ZMYM6: variants seen among roughly 807,000 people sequenced by gnomAD.
ZMYM6 encodes zinc finger MYM-type containing 6, also known as zinc finger MYM-type protein 6.
In ZMYM6, 90 loss-of-function variants were observed where a neutral mutation model predicts 134.0. The observed-to-expected ratio is 0.67, with a 90% CI of 0.57 to 0.80. The LOEUF (loss-of-function observed/expected upper bound fraction) is 0.80, where lower values mean the gene tolerates loss of function less well. Ranked by LOEUF, ZMYM6 falls within the 30% of genes least tolerant of loss-of-function variation. The pLI is 0.00. For synonymous variants in ZMYM6, 481 were observed against 524.1 expected, an observed-to-expected ratio of 0.92 and a Z score of 1.12; for missense variants, 1,362 against 1,533.9, an observed-to-expected ratio of 0.89 and a Z score of 1.87.
intron 14 of ZMYM6, among the ~76,000 whole-genome samples, chr1:34,994,492 A>AG (rs981390082): frequency 1.3e-5 from 2 of 152,192 alleles, no homozygotes; most frequent in Non-Finnish European, 2.9e-5. Context: ...AACAAGAACA[A>AG]GGCTGAAAGA....
At chr1:34,990,950 T>A (rs1366131219) in intron 15 of ZMYM6, among the ~76,000 whole-genome samples, 2 of 152,172 alleles carry the variant, frequency 1.3e-5, no homozygotes, top group African/African-American at 4.8e-5. Flanking sequence ...CCGCAACCTC[T>A]ACCTCCCAGG....
rs530061204 is a variant in ZMYM6, at chr1:35,008,959, A to T, written c.1493-35T>A. 34 of 1,590,316 alleles carry T rather than the reference A, an allele frequency of 2.1e-5. No individual in the cohort carries two copies. The Admixed American group carries it at 5.6e-4, about 26-fold the overall frequency. ...AGAGGGATGAAAGGAAGAAAAATCA[A>T]ATTTACATTAACTGAGGAGGTATAA... On this transcript the variant is annotated intron_variant, in intron 10 of 15. Coordinates refer to ENST00000357182, the MANE Select transcript of ZMYM6 (RefSeq NM_007167.4).
rs1640591990 is a variant in ZMYM6, at chr1:34,987,231, C to T, written c.3851G>A (p.Cys1284Tyr). ...AGTCAAAGCTGAAAAGGCAGCATCA[C>T]ATAAATAAACAGTTGAAAAGGGTAA... The part of the protein sequence containing the change: ...FLLPFSTVYL[C>Y]DAAFSALTES... The change falls in exon 16 of 16, where the codon TGT becomes TAT. Residue 1284 changes from cysteine to tyrosine, a missense_variant. Physicochemically the swap from Cys to Tyr is radical, Grantham distance 194 (BLOSUM62 -2). Transcript: ENST00000357182. The T allele has an allele frequency of 6.2e-7, 1 of 1,613,750 alleles. No individual in the cohort carries two copies. Among genetic ancestry groups the T allele is most frequent in the East Asian group, 2.2e-5 (1 of 44,876 alleles).
intron 14 of ZMYM6, among the ~76,000 whole-genome samples, chr1:34,994,916 GTATA>G (rs1640748051): frequency 7.6e-6 from 1 of 130,752 alleles, no homozygotes; most frequent in Non-Finnish European, 1.5e-5. Flanking sequence ...ATATATGTGT[GTATA>G]TATAGACATA....
intron 14 of ZMYM6, among the ~76,000 whole-genome samples, chr1:35,003,350 G>C (rs1411051544): frequency 6.6e-6 from 1 of 152,166 alleles, no homozygotes; most frequent in Non-Finnish European, 1.5e-5. Flanking sequence ...GGCCAGACTT[G>C]AAAGTATGCA....
rs541675320 is a variant in ZMYM6, at chr1:34,987,818, C to G, written c.3264G>C (p.Glu1088Asp). 13 of 1,550,844 alleles carry G rather than the reference C, an allele frequency of 8.4e-6. No individual in the cohort carries two copies. Among genetic ancestry groups the G allele is most frequent in the Non-Finnish European group, 1.0e-5 (12 of 1,146,792 alleles). ...MLKRLFELRH[E>D]IEIFLSQKHS... The stretch of plus-strand genomic sequence containing the variant: ...GCTTTTGACTTAAAAATATTTCAAT[C>G]TCATGTCGTAATTCAAATAATCTTT... Residue 1088 changes from glutamate (E) to aspartate (D), a missense_variant, in exon 16 of 16, where the codon GAG becomes GAC. Around this residue, in one of 3 missense-constraint regions of ZMYM6, gnomAD observed 824 missense variants for 940.9 expected, o/e 0.88. Coordinates refer to ENST00000357182, the MANE Select transcript of ZMYM6 (RefSeq NM_007167.4).
intron 14 of ZMYM6, among the ~76,000 whole-genome samples, chr1:34,993,322 A>G (rs1640719656): frequency 6.6e-6 from 1 of 152,104 alleles, no homozygotes; most frequent in African/African-American, 2.4e-5. Flanking sequence ...CATGTTGGCC[A>G]GGCTGGTCTC....
At chr1:35,006,537 G>C (rs970888445) in intron 12 of ZMYM6, among the ~76,000 whole-genome samples, 3 of 152,088 alleles carry the variant, frequency 2.0e-5, no homozygotes, top group African/African-American at 7.2e-5. Flanking sequence ...CTATAAGCAA[G>C]CTCTGAAACA....
chr1:35,008,249 G>T (rs12086023), intron 11 of ZMYM6, among the ~76,000 whole-genome samples: 9,055 of 152,190 alleles, frequency 0.059, 586 homozygotes, highest in East Asian at 0.38. Flanking sequence ...TTGGGACTAT[G>T]GTAAGGATTA....
intron 4 of ZMYM6, chr1:35,019,124 T>C: frequency 1.6e-6 from 1 of 613,450 alleles, no homozygotes; most frequent in South Asian, 2.3e-5. Context: ...GTTATTTCTT[T>C]CCATAGTAAA....
intron 2 of ZMYM6, among the ~76,000 whole-genome samples, chr1:35,024,849 C>A (rs1641378813): frequency 6.6e-6 from 1 of 151,960 alleles, no homozygotes; most frequent in Non-Finnish European, 1.5e-5. Flanking sequence ...AATTTTAAAG[C>A]ACTTACCTAA....
chr1:35,028,674 T>C (rs1465147962), intron 2 of ZMYM6, among the ~76,000 whole-genome samples: 2 of 151,656 alleles, frequency 1.3e-5, no homozygotes, highest in Admixed American at 6.5e-5. Context: ...TAATTTTTTG[T>C]ATTTTTTGTA....
At position 34,987,777 on chromosome 1, in the gene ZMYM6, T is replaced by C; in HGVS notation, c.3305A>G (p.Lys1102Arg). Residue 1102 changes from lysine (K) to arginine (R), a missense_variant, in exon 16 of 16, where the codon AAG becomes AGG. Transcript: ENST00000357182. ...AACCCATTCCTCATCATGAAAATAC[T>C]TGGCCAAATCTGAATGCTTTTGACT... ...FLSQKHSDLAKYFHDEEWVGK... is the reference protein window; with the variant it reads ...FLSQKHSDLARYFHDEEWVGK... 2 of 1,551,562 alleles carry C rather than the reference T, an allele frequency of 1.3e-6. No homozygotes were observed. Among genetic ancestry groups the C allele is most frequent in the South Asian group, 1.2e-5 (1 of 84,030 alleles).
intron 11 of ZMYM6, among the ~76,000 whole-genome samples, chr1:35,007,406 T>C (rs1405273380): frequency 6.6e-6 from 1 of 152,010 alleles, no homozygotes; most frequent in Non-Finnish European, 1.5e-5. Flanking sequence ...CTGACCAACA[T>C]GGTGAAACCC....
At chr1:35,005,629 CAAAAAAAAAA>C (rs1182722333) in intron 12 of ZMYM6, among the ~76,000 whole-genome samples, 1,614 of 59,320 alleles carry the variant, frequency 0.027, 39 homozygotes, top group African/African-American at 0.069. Context: ...AACCTAGTCT[CAAAAAAAAAA>C]AAAAAAAAAA....
chr1:35,020,470 T>TAA lies in ZMYM6; in HGVS notation c.94-4_94-3insTT. The TAA allele has an allele frequency of 6.4e-7, 1 of 1,559,600 alleles. No homozygotes were observed. The highest frequency in any genetic ancestry group is 1.2e-5 in the South Asian group (1 of 84,468). On this transcript the variant is annotated splice_region_variant and splice_polypyrimidine_tract_variant and intron_variant, in intron 2 of 15. Coordinates refer to ENST00000357182, the MANE Select transcript of ZMYM6 (RefSeq NM_007167.4). ...GGCTGTTGGACACATCCATACTCCT[T>TAA]TAAAAAAAAAAAGAAAAGAGAAAAG...
chr1:35,030,826 C>A, intron 1 of ZMYM6, 113 bp from the exon 2 acceptor site: 1 of 571,846 alleles, frequency 1.7e-6, no homozygotes, highest in South Asian at 2.5e-5. Context: ...AACAACTCTT[C>A]TGGGGCCACA....
At chr1:35,013,710 T>G in intron 6 of ZMYM6, 1 of 978,830 alleles carries the variant, frequency 1.0e-6, no homozygotes, top group Non-Finnish European at 1.2e-6. Flanking sequence ...TTGTTTGTTT[T>G]TGAGACAGTC....
chr1:35,023,053 A>C (rs185925079), intron 2 of ZMYM6, among the ~76,000 whole-genome samples: 1 of 152,332 alleles, frequency 6.6e-6, no homozygotes, highest in African/African-American at 2.4e-5. Context: ...AGGTATACAG[A>C]ATGACATCTT....
Sources: gnomAD v4.1 joint callset for allele counts (sites outside exome capture counted in the v4.1 genomes callset) on GRCh38, gnomAD v4.1.1 for gene constraint, gnomAD v4.1.1 regional missense constraint, MANE v1.5 for transcripts, NCBI Gene and HGNC (gene_info 2026-07-23, HGNC 2026-07-21) for gene names.